The following TEX2 variants were observed in gnomAD, a reference collection of about 807,000 sequenced individuals.
The protein encoded by TEX2 is testis-expressed protein 2.
Under a neutral mutation model 106.9 loss-of-function variants are expected in TEX2, and 53 were observed. That is an observed-to-expected ratio of 0.50 (90% CI 0.40 to 0.62). The LOEUF is 0.62. TEX2 is among the 20% of genes least tolerant of loss of function. TEX2 has a pLI of 0.00. For missense variants in TEX2, 1,207 were observed against 1,379.0 expected, an observed-to-expected ratio of 0.88 and a Z score of 1.98; for synonymous variants, 523 against 534.8, an observed-to-expected ratio of 0.98 and a Z score of 0.30.
intron 1 of TEX2, among the ~76,000 whole-genome samples, chr17:64,251,947 G>A (rs1163208808): frequency 6.6e-6 from 1 of 152,172 alleles, no homozygotes; most frequent in Non-Finnish European, 1.5e-5. Context: ...GAGGAGAAAG[G>A]TGCAAATATG....
rs560806376 is a variant in TEX2, at chr17:64,227,839, T to C, written c.-25-13597A>G. Among the ~76,000 whole-genome samples, 5 of 152,342 alleles carry C rather than the reference T, an allele frequency of 3.3e-5. No homozygotes were observed. The South Asian group carries it at 1.0e-3, about 32-fold the overall frequency. ...GTTCAGAAGATTAAACGAAACAACT[T>C]AAGCAAAGCACTGAGCATGATCCCT... On this transcript the variant is annotated intron_variant, in intron 1 of 11. Transcript: ENST00000584379.
Position 64,213,998 on chromosome 17 carries a change from C to A in TEX2, c.220G>T (p.Asp74Tyr), listed in dbSNP as rs1335964778. Residue 74 changes from aspartate to tyrosine, a missense_variant, in exon 2 of 12, where the codon GAC becomes TAC. This residue lies in a region of TEX2 where 1,067 missense variants were observed against 1,193.6 expected (regional missense o/e 0.89). Transcript: ENST00000584379. The surrounding 1 kb of genome is among the most constrained non-coding windows in gnomAD (Gnocchi z 4.4). ...SIVTGLEAKE[D>Y]LYLEPQVGHD... ...CCAACTTGGGGTTCAAGATAGAGGT[C>A]TTCCTTGGCTTCCAGCCCTGTTACA... 5 of 1,614,082 alleles carry A rather than the reference C, an allele frequency of 3.1e-6. No homozygotes were observed. The highest frequency in any genetic ancestry group is 4.2e-6 in the Non-Finnish European group (5 of 1,180,042).
intron 1 of TEX2, among the ~76,000 whole-genome samples, chr17:64,238,784 T>C (rs1246434930): frequency 3.3e-5 from 5 of 152,252 alleles, no homozygotes; most frequent in East Asian, 1.9e-4. Context: ...AGATGAGATA[T>C]GGGTGGGGAC....
At chr17:64,184,503 T>C (rs2032003867) in intron 5 of TEX2, among the ~76,000 whole-genome samples, 4 of 152,214 alleles carry the variant, frequency 2.6e-5, no homozygotes, top group Admixed American at 2.0e-4. Flanking sequence ...ACCAGAACCT[T>C]ATCAGATAAA....
intron 5 of TEX2, among the ~76,000 whole-genome samples, chr17:64,179,770 A>T (rs1414908221): frequency 8.0e-5 from 1 of 12,450 alleles, no homozygotes; most frequent in Non-Finnish European, 1.7e-4. Flanking sequence ...AGTCTCATTT[A>T]AAAAAAAAAA....
chr17:64,177,304 C>T (rs2031653983), intron 6 of TEX2, 21 bp downstream of exon 6: 1 of 1,613,766 alleles, frequency 6.2e-7, no homozygotes, highest in Non-Finnish European at 8.5e-7. Context: ...GATTAGAAGC[C>T]TCTTGTGTGG....
At chr17:64,183,917 C>T (rs2031977146) in intron 5 of TEX2, among the ~76,000 whole-genome samples, 1 of 152,020 alleles carries the variant, frequency 6.6e-6, no homozygotes, top group Admixed American at 6.5e-5. Flanking sequence ...AAGTGTGAGC[C>T]ACCACTGTGC....
intron 1 of TEX2, among the ~76,000 whole-genome samples, chr17:64,224,828 T>C (rs1472817789): frequency 6.6e-6 from 1 of 152,004 alleles, no homozygotes; most frequent in Admixed American, 6.6e-5. Flanking sequence ...TATAGATTGC[T>C]AGATGGCTCA....
At chr17:64,218,894 C>T (rs1555632951) in intron 1 of TEX2, among the ~76,000 whole-genome samples, 1 of 152,092 alleles carries the variant, frequency 6.6e-6, no homozygotes, top group Admixed American at 6.6e-5. Flanking sequence ...GGTTTGCCTC[C>T]TCTGAAAGAA....
intron 1 of TEX2, among the ~76,000 whole-genome samples, chr17:64,244,933 G>A (rs1459701358): frequency 6.6e-6 from 1 of 152,082 alleles, no homozygotes; most frequent in Non-Finnish European, 1.5e-5. Context: ...TTGTTACTCT[G>A]AAAATCTCAC....
intron 5 of TEX2, among the ~76,000 whole-genome samples, chr17:64,184,934 A>C (rs1292226889): frequency 6.6e-6 from 1 of 152,214 alleles, no homozygotes. Context: ...TTTTTAACTT[A>C]GTGCAACAAA....
chr17:64,226,480 C>T (rs566534069), intron 1 of TEX2, among the ~76,000 whole-genome samples: 15 of 152,282 alleles, frequency 9.9e-5, no homozygotes, highest in African/African-American at 3.4e-4. Flanking sequence ...AAGAAAAATG[C>T]ATTCCACCTG....
At chr17:64,173,864 G>GA in intron 6 of TEX2, among the ~76,000 whole-genome samples, 1 of 148,500 alleles carries the variant, frequency 6.7e-6, no homozygotes, top group East Asian at 2.0e-4. Context: ...TTTTTTTTTT[G>GA]AAACAGGATT....
At chr17:64,168,704 C>T (rs1011785806) in intron 7 of TEX2, among the ~76,000 whole-genome samples, 2 of 152,192 alleles carry the variant, frequency 1.3e-5, no homozygotes, top group Non-Finnish European at 1.5e-5. Context: ...ATAGAGCGTG[C>T]ACACTTATTA....
At chr17:64,189,750 G>C (rs1023650860) in intron 4 of TEX2, among the ~76,000 whole-genome samples, 1 of 152,166 alleles carries the variant, frequency 6.6e-6, no homozygotes, top group Admixed American at 6.5e-5. Flanking sequence ...GGGAGGCCGA[G>C]ACAGATGAAT....
chr17:64,160,361 C>A (rs2030826909), intron 8 of TEX2, among the ~76,000 whole-genome samples: 2 of 152,166 alleles, frequency 1.3e-5, no homozygotes, highest in Non-Finnish European at 2.9e-5. Flanking sequence ...TTTAGGAGCA[C>A]CCTCTGTGCT....
rs1390605887 is a variant in TEX2 at position 64,217,228 on chromosome 17, T to C, written c.-25-2986A>G. On this transcript the variant is annotated intron_variant, in intron 1 of 11. Transcript: ENST00000584379. This position sits in a 1 kb window ranked among gnomAD's most constrained non-coding sequence, Gnocchi z 4.3. ...CAACCTATCAAGTGGTCACTGCCTC[T>C]GCCTCCTCCTGGGGACCACTTCAAG... Among the ~76,000 whole-genome samples the C allele has an allele frequency of 6.6e-6, 1 of 152,178 alleles. No homozygotes were observed. The highest frequency in any genetic ancestry group is 1.5e-5 in the Non-Finnish European group (1 of 68,020).
chr17:64,262,320 C>A (rs1460393407), intron 1 of TEX2, among the ~76,000 whole-genome samples: 2 of 152,234 alleles, frequency 1.3e-5, no homozygotes, highest in African/African-American at 4.8e-5. Context: ...TTTGCCCTTA[C>A]ATTTGACGCC....
chr17:64,262,159 T>C (rs2034298710), intron 1 of TEX2, among the ~76,000 whole-genome samples: 1 of 152,236 alleles, frequency 6.6e-6, no homozygotes, highest in Non-Finnish European at 1.5e-5. Flanking sequence ...ACGCTGGCAC[T>C]TCAAACGTGA....
Sources: gnomAD v4.1 joint callset for allele counts (sites outside exome capture counted in the v4.1 genomes callset) on GRCh38, gnomAD v4.1.1 for gene constraint, gnomAD v4.1.1 regional missense constraint, Gnocchi (gnomAD v3.1) non-coding constraint, MANE v1.5 for transcripts, NCBI Gene and HGNC (gene_info 2026-07-23, HGNC 2026-07-21) for gene names.